The following PRCP variants were observed in gnomAD, a reference collection of about 807,000 sequenced individuals.
PRCP encodes prolylcarboxypeptidase.
Under a neutral mutation model 54.2 loss-of-function variants are expected in PRCP, and 46 were observed. That is an observed-to-expected ratio of 0.85 (90% CI 0.67 to 1.09). PRCP has a LOEUF of 1.09. PRCP is among the 50% of genes least tolerant of loss of function. PRCP has a pLI of 0.00. For synonymous variants in PRCP, 240 were observed against 212.2 expected (o/e 1.13, Z -1.14); for missense variants, 613 against 596.8 (o/e 1.03, Z -0.28).
chr11:82,892,715 C>G (rs1354394103), intron 1 of PRCP, among the ~76,000 whole-genome samples: 2 of 152,160 alleles, frequency 1.3e-5, no homozygotes, highest in Non-Finnish European at 2.9e-5. Flanking sequence ...ACAAGTTAAG[C>G]AAGAAAACAT....
At chr11:82,896,678 CAAAAAAAAAAAA>C (rs68047129) in intron 1 of PRCP, among the ~76,000 whole-genome samples, 2 of 55,674 alleles carry the variant, frequency 3.6e-5, no homozygotes, top group South Asian at 9.2e-4. Context: ...GACTCCAACT[CAAAAAAAAAAAA>C]AAAAAAAAAA....
chr11:82,869,421 A>G (rs1247999697), intron 1 of PRCP, among the ~76,000 whole-genome samples: 1 of 151,682 alleles, frequency 6.6e-6, no homozygotes, highest in Non-Finnish European at 1.5e-5. Context: ...AAGGAAAGAA[A>G]GAAAGCGGTA....
At chr11:82,867,724 T>G (rs1330716412) in intron 1 of PRCP, among the ~76,000 whole-genome samples, 6 of 152,156 alleles carry the variant, frequency 3.9e-5, no homozygotes, top group Non-Finnish European at 5.9e-5. Flanking sequence ...ATTACTTTTT[T>G]TTTGTTTGTT....
intron 6 of PRCP, among the ~76,000 whole-genome samples, chr11:82,845,257 C>T (rs1389427957): frequency 6.6e-6 from 1 of 152,088 alleles, no homozygotes; most frequent in African/African-American, 2.4e-5. Flanking sequence ...ATCCCACATG[C>T]ACCAGACAAA....
At chr11:82,847,433 C>G (rs900193732) in intron 6 of PRCP, among the ~76,000 whole-genome samples, 1 of 152,128 alleles carries the variant, frequency 6.6e-6, no homozygotes, top group African/African-American at 2.4e-5. Context: ...TGGATTATAC[C>G]TCTTTTTCTA....
In PRCP at chr11:82,850,066, A is replaced by G; in HGVS notation, c.599T>C (p.Leu200Pro). The change falls in exon 5 of 9, where the codon CTT becomes CCT. Residue 200 changes from leucine (L) to proline (P), a missense_variant. Transcript: ENST00000313010. ...MKYPHMVVGA[L>P]AASAPIWQFE... ...CTGCCAGATAGGGGCAGAAGCTGCA[A>G]GAGCTCTAAATGGCAAGAAAATCAA... 1 of 1,399,854 alleles carries G rather than the reference A, an allele frequency of 7.1e-7. No individual in the cohort carries two copies. Among genetic ancestry groups the G allele is most frequent in the Non-Finnish European group, 9.3e-7 (1 of 1,072,996 alleles). The allele number at this position is 1,399,854 out of a possible 1,614,324, so 86.7% of individuals were successfully genotyped here.
chr11:82,900,341 G>A lies in PRCP; in HGVS notation c.62C>T (p.Ala21Val). The change falls in exon 1 of 9, where the codon GCC (alanine) becomes GTC (valine). Residue 21 changes from alanine (A) to valine (V), a missense_variant. Ala to Val is a moderately conservative substitution (Grantham distance 64). Coordinates refer to ENST00000313010, the MANE Select transcript of PRCP (RefSeq NM_005040.4). The stretch of plus-strand genomic sequence containing the variant: ...GAGGGCCCTTAAGGCCGGCCGGAGG[G>A]CTATGGTGGCCCAGGGCGCCAGAAA... ...LSFLAPWATI[A>V]LRPALRALGS... is the part of the protein sequence containing the mutation. The A allele has an allele frequency of 6.2e-7, 1 of 1,614,186 alleles. No homozygotes were observed. Among genetic ancestry groups the A allele is most frequent in the Non-Finnish European group, 8.5e-7 (1 of 1,179,992 alleles).
At chr11:82,847,133 T>C (rs1000497240) in intron 6 of PRCP, among the ~76,000 whole-genome samples, 3 of 152,234 alleles carry the variant, frequency 2.0e-5, no homozygotes, top group Non-Finnish European at 4.4e-5. Flanking sequence ...TCAACCTCTG[T>C]TCTAAATAAT....
At chr11:82,861,140 T>C (rs1859198890) in intron 1 of PRCP, among the ~76,000 whole-genome samples, 1 of 147,834 alleles carries the variant, frequency 6.8e-6, no homozygotes, top group Admixed American at 6.7e-5. Flanking sequence ...CATTTGTTTA[T>C]TAAATCAACT....
At chr11:82,853,700 A>T (rs1859013278) in intron 2 of PRCP, among the ~76,000 whole-genome samples, 1 of 152,302 alleles carries the variant, frequency 6.6e-6, no homozygotes, top group South Asian at 2.1e-4. Context: ...GCAGGGACAC[A>T]ATGAAACAAG....
At chr11:82,839,109 G>A (rs1249298837) in intron 7 of PRCP, 152 bp downstream of exon 7, 1 of 714,866 alleles carries the variant, frequency 1.4e-6, no homozygotes, top group East Asian at 2.7e-5. Flanking sequence ...GAATGAACAA[G>A]AAAACTTGTC....
At chr11:82,874,710 GA>G (rs1217189481) in intron 1 of PRCP, among the ~76,000 whole-genome samples, 19 of 141,408 alleles carry the variant, frequency 1.3e-4, no homozygotes, top group African/African-American at 2.9e-4. Flanking sequence ...AAAAAAAAAA[GA>G]AAAAAAAGAA....
chr11:82,884,732 A>G, intron 1 of PRCP: 3 of 1,572,028 alleles, frequency 1.9e-6, no homozygotes, highest in Non-Finnish European at 2.6e-6. Context: ...CCTGACTTTC[A>G]GTGCCATCTT....
In PRCP at chr11:82,859,992, C is replaced by T. The variant is rs1222659897; in HGVS notation, c.294G>A (p.Trp98Ter). 1.3e-6 allele frequency: 2 copies of T among 1,582,636 alleles called. No homozygotes were observed. The highest frequency in any genetic ancestry group is 8.6e-7 in the Non-Finnish European group (1 of 1,167,552). ...FYTGNEGDII[W>*]FCNNTGFMWD... is the part of the protein sequence containing the mutation. ...CTGCACATACCGTGTTATTACAAAACCAGATAATGTCCCCTTCATTACCAG... is the reference window on the plus strand; with the variant it reads ...CTGCACATACCGTGTTATTACAAAATCAGATAATGTCCCCTTCATTACCAG... Residue 98 changes from tryptophan to a stop codon, truncating the protein, a stop_gained, in exon 2 of 9, where the codon TGG becomes TGA. Transcript: ENST00000313010. LOFTEE classifies it high-confidence loss of function.
At chr11:82,865,706 G>A (rs1299124032) in intron 1 of PRCP, among the ~76,000 whole-genome samples, 1 of 152,126 alleles carries the variant, frequency 6.6e-6, no homozygotes, top group East Asian at 1.9e-4. Flanking sequence ...CAACTCTAAT[G>A]CAGAGATCTA....
At chr11:82,853,322 A>G (rs747203878) in intron 2 of PRCP, 44 bp from the exon 3 acceptor site, 3 of 1,540,070 alleles carry the variant, frequency 1.9e-6, no homozygotes, top group Middle Eastern at 1.7e-4. Flanking sequence ...CAGAATGTGA[A>G]AAAAAGTCAC....
chr11:82,901,326 C>T (rs560091421), upstream of PRCP: 9 of 208,528 alleles, frequency 4.3e-5, no homozygotes, highest in East Asian at 1.3e-4. Context: ...GCTCCACCCC[C>T]CTCCTGCCTC....
At chr11:82,854,861 C>A (rs10792656) in intron 2 of PRCP, among the ~76,000 whole-genome samples, 60,522 of 151,952 alleles carry the variant, frequency 0.4, 13,187 homozygotes, top group African/African-American at 0.58. Flanking sequence ...ATCCAAAAAT[C>A]AAGCCACATG....
At chr11:82,877,512 CT>C (rs1859636834) in intron 1 of PRCP, among the ~76,000 whole-genome samples, 1 of 152,196 alleles carries the variant, frequency 6.6e-6, no homozygotes, top group South Asian at 2.1e-4. Context: ...AGCCTAGGGA[CT>C]GGGTGCCCTG....
Sources: allele counts gnomAD v4.1 joint callset (sites outside exome capture counted in the v4.1 genomes callset), GRCh38; gene constraint gnomAD v4.1.1; transcripts MANE v1.5; gene names NCBI Gene and HGNC (gene_info 2026-07-23, HGNC 2026-07-21).